EGFLAM: variants seen among roughly 807,000 people sequenced by gnomAD.
The protein encoded by EGFLAM is EGF like, fibronectin type III and laminin G domains.
A neutral mutation model predicts 113.1 loss-of-function variants in EGFLAM; 79 were observed. The ratio of observed to expected loss-of-function variants is 0.70; its 90% CI spans 0.58 to 0.84. EGFLAM has a LOEUF of 0.84. Ranked by LOEUF, EGFLAM falls within the 40% of genes least tolerant of loss-of-function variation. The pLI, the probability that EGFLAM is intolerant of heterozygous loss-of-function variation, is 0.00. For missense variants in EGFLAM, 1,265 were observed against 1,291.6 expected (o/e 0.98, Z 0.32); for synonymous variants, 504 against 487.6 (o/e 1.03, Z -0.44).
At chr5:38,459,176 G>T (rs1429620405) in intron 20 of EGFLAM, among the ~76,000 whole-genome samples, 1 of 152,018 alleles carries the variant, frequency 6.6e-6, no homozygotes, top group African/African-American at 2.4e-5. Context: ...GAGTAGCTGG[G>T]ACCACAGGTG....
At chr5:38,451,484 G>C (rs200586510) in intron 19 of EGFLAM, 26 bp downstream of exon 19, 1 of 1,606,380 alleles carries the variant, frequency 6.2e-7, no homozygotes, top group Non-Finnish European at 8.5e-7. Context: ...TCTGCCTTCA[G>C]CAGCACCTTG....
At position 38,369,853 on chromosome 5, in the gene EGFLAM, C is replaced by A. The variant is rs75772635; in HGVS notation, c.546-443C>A. On this transcript the variant is annotated intron_variant, in intron 5 of 21. Coordinates refer to ENST00000322350, the MANE Select transcript of EGFLAM (RefSeq NM_152403.4). ...CTTCTTGGGTTTTCCCATGACAATT[C>A]ATGCAATTAGTCACCCTATAAAACT... Among the ~76,000 whole-genome samples the A allele has an allele frequency of 7.9e-5, 12 of 152,332 alleles. No homozygotes were observed. In the East Asian group the frequency reaches 2.3e-3, roughly 29 times the overall value.
intron 6 of EGFLAM, among the ~76,000 whole-genome samples, chr5:38,399,191 G>A (rs1741038575): frequency 6.6e-6 from 1 of 152,128 alleles, no homozygotes; most frequent in Non-Finnish European, 1.5e-5. Flanking sequence ...TATGCTAGGT[G>A]GAGAGGGAAG....
rs184641099 is a variant in EGFLAM at position 38,390,259 on chromosome 5, A to G, written c.713-15867A>G. On this transcript the variant is annotated intron_variant, in intron 6 of 21. Coordinates refer to ENST00000322350, the MANE Select transcript of EGFLAM (RefSeq NM_152403.4). ...TAGAATGTTTTAGCATTTTTTATAA[A>G]TGCTATGACATGGCAAGTATCCTTT... Among the ~76,000 whole-genome samples, 321 of 152,290 alleles carry G rather than the reference A, an allele frequency of 2.1e-3. 1 individual carries two copies. The highest frequency in any genetic ancestry group is 7.3e-3 in the African/African-American group (302 of 41,554).
At chr5:38,283,681 T>C (rs1367688265) in intron 1 of EGFLAM, among the ~76,000 whole-genome samples, 1 of 152,216 alleles carries the variant, frequency 6.6e-6, no homozygotes, top group African/African-American at 2.4e-5. Flanking sequence ...TTCTGACCCC[T>C]GGTCTACAGC....
chr5:38,396,360 G>T (rs1740962608), intron 6 of EGFLAM, among the ~76,000 whole-genome samples: 2 of 152,230 alleles, frequency 1.3e-5, no homozygotes, highest in Non-Finnish European at 2.9e-5. Flanking sequence ...TTAACAGTCA[G>T]TTTACAATTG....
chr5:38,346,860 C>A (rs1739484429), intron 3 of EGFLAM, among the ~76,000 whole-genome samples: 1 of 152,022 alleles, frequency 6.6e-6, no homozygotes, highest in African/African-American at 2.4e-5. Context: ...GAAGGTGAAG[C>A]TCAGGAGCAC....
chr5:38,281,920 G>A (rs999741356), intron 1 of EGFLAM, among the ~76,000 whole-genome samples: 1 of 152,094 alleles, frequency 6.6e-6, no homozygotes, highest in Admixed American at 6.5e-5. Context: ...AGAATCTAAA[G>A]GTTTCTGGAC....
At chr5:38,309,725 C>G (rs1738368716) in intron 1 of EGFLAM, among the ~76,000 whole-genome samples, 1 of 152,164 alleles carries the variant, frequency 6.6e-6, no homozygotes, top group Admixed American at 6.5e-5. Context: ...TGGCTGGTGT[C>G]TGAGAATGCT....
intron 7 of EGFLAM, 148 bp from the exon 8 acceptor site, chr5:38,406,680 A>C: frequency 2.9e-6 from 2 of 700,754 alleles, no homozygotes; most frequent in Non-Finnish European, 4.8e-6. Context: ...TTTGTCCATA[A>C]ATTAGAGTCA....
intron 5 of EGFLAM, among the ~76,000 whole-genome samples, chr5:38,360,259 G>A (rs953120049): frequency 2.6e-5 from 4 of 152,128 alleles, no homozygotes; most frequent in Admixed American, 1.3e-4. Flanking sequence ...AGCTGTGAAG[G>A]TTAAAGGCAT....
intron 19 of EGFLAM, among the ~76,000 whole-genome samples, chr5:38,454,849 T>C (rs900465609): frequency 1.3e-5 from 2 of 152,172 alleles, no homozygotes; most frequent in Non-Finnish European, 2.9e-5. Context: ...TGCCAGAGAA[T>C]AGGGAAAAAC....
chr5:38,261,517 C>T (rs1357672142), intron 1 of EGFLAM, among the ~76,000 whole-genome samples: 2 of 152,084 alleles, frequency 1.3e-5, no homozygotes, highest in South Asian at 2.1e-4. Context: ...AACTAGTAAG[C>T]GGTGGAATGG....
At chr5:38,260,666 A>C (rs949545148) in intron 1 of EGFLAM, among the ~76,000 whole-genome samples, 1 of 152,234 alleles carries the variant, frequency 6.6e-6, no homozygotes, top group African/African-American at 2.4e-5. Flanking sequence ...GACTAGGTTC[A>C]ACCTAGAAGA....
intron 1 of EGFLAM, among the ~76,000 whole-genome samples, chr5:38,332,656 A>G (rs1346944832): frequency 6.6e-6 from 1 of 152,258 alleles, no homozygotes; most frequent in Non-Finnish European, 1.5e-5. Flanking sequence ...TCTATAGATT[A>G]TAGATTAACT....
rs113433822 is a variant in EGFLAM at position 38,427,312 on chromosome 5, GA to G, written c.2054+67del. On this transcript the variant is annotated intron_variant, in intron 14 of 21. Transcript: ENST00000322350. ...AAAAAGGCAAATAGTAACTGCTTCAGAAAAAAACCAAATCGCCATTCAACAG... is the reference window on the plus strand; with the variant it reads ...AAAAAGGCAAATAGTAACTGCTTCAGAAAAAACCAAATCGCCATTCAACAG... The G allele has an allele frequency of 5.1e-4, 798 of 1,579,456 alleles. 5 individuals are homozygous for G. The African/African-American group carries it at 9.6e-3, about 19-fold the overall frequency.
rs369048518 is a variant in EGFLAM, at chr5:38,456,779, CTT to C, written c.2688-1531_2688-1530del. Among the ~76,000 whole-genome samples the C allele has an allele frequency of 3.9e-5, 6 of 152,196 alleles. 1 individual carries two copies. The highest frequency in any genetic ancestry group is 4.1e-4 in the South Asian group (2 of 4,832). On this transcript the variant is annotated intron_variant, in intron 19 of 21. Coordinates refer to ENST00000322350, the MANE Select transcript of EGFLAM (RefSeq NM_152403.4). The stretch of plus-strand genomic sequence containing the variant: ...AGATTTTCTCTCGACATCCCTCTCT[CTT>C]GGGCAATGAGGTGAAGGAGAGATAT...
At chr5:38,366,093 T>C (rs1246309354) in intron 5 of EGFLAM, among the ~76,000 whole-genome samples, 8 of 152,158 alleles carry the variant, frequency 5.3e-5, no homozygotes, top group Admixed American at 3.9e-4. Flanking sequence ...TGTCTGTCTC[T>C]TATGTAAAGA....
At chr5:38,372,136 T>C (rs961366172) in intron 6 of EGFLAM, among the ~76,000 whole-genome samples, 109 of 151,866 alleles carry the variant, frequency 7.2e-4, no homozygotes, top group Admixed American at 1.4e-3. Context: ...GCACCTCTCA[T>C]ACTGCTCCTT....
Sources: gnomAD v4.1 joint callset for allele counts (sites outside exome capture counted in the v4.1 genomes callset) on GRCh38, gnomAD v4.1.1 for gene constraint, MANE v1.5 for transcripts, NCBI Gene and HGNC (gene_info 2026-07-23, HGNC 2026-07-21) for gene names.